The following SGCZ variants were observed in gnomAD, a reference collection of about 807,000 sequenced individuals.
SGCZ encodes the protein zeta-sarcoglycan.
SGCZ carries 40 observed loss-of-function variants against 41.3 expected under a neutral mutation model. The ratio of observed to expected loss-of-function variants is 0.97; its 90% CI spans 0.75 to 1.26. The LOEUF (loss-of-function observed/expected upper bound fraction) is 1.26, where lower values mean the gene tolerates loss of function less well. Ranked by LOEUF, SGCZ falls within the 50% of genes most tolerant of loss-of-function variation. The pLI is 0.00. For missense variants in SGCZ, 552 were observed against 369.8 expected, an observed-to-expected ratio of 1.49 and a Z score of -4.04; for synonymous variants, 206 against 137.5, an observed-to-expected ratio of 1.50 and a Z score of -3.49.
intron 1 of SGCZ, among the ~76,000 whole-genome samples, chr8:14,619,336 C>T (rs1050711613): frequency 3.3e-5 from 5 of 152,112 alleles, no homozygotes; most frequent in Non-Finnish European, 7.4e-5. Flanking sequence ...CAATATCATA[C>T]TGAATGGGCA....
intron 2 of SGCZ, among the ~76,000 whole-genome samples, chr8:14,494,336 T>G (rs953019048): frequency 6.6e-6 from 1 of 152,158 alleles, no homozygotes; most frequent in African/African-American, 2.4e-5. Context: ...ATAGGGTGGC[T>G]CAGCCCGGCT....
intron 1 of SGCZ, among the ~76,000 whole-genome samples, chr8:14,965,159 G>A (rs1359701295): frequency 6.6e-6 from 1 of 152,046 alleles, no homozygotes; most frequent in Non-Finnish European, 1.5e-5. Flanking sequence ...AAATCTCTGC[G>A]GCCATAGTTC....
intron 1 of SGCZ, among the ~76,000 whole-genome samples, chr8:15,077,586 C>T (rs1222235992): frequency 1.3e-5 from 2 of 152,144 alleles, no homozygotes; most frequent in Non-Finnish European, 2.9e-5. Flanking sequence ...TCCATTATAA[C>T]TTTAACCTCC....
intron 2 of SGCZ, among the ~76,000 whole-genome samples, chr8:14,394,224 C>T (rs1295413615): frequency 2.0e-5 from 3 of 147,402 alleles, no homozygotes; most frequent in Non-Finnish European, 3.0e-5. Flanking sequence ...GATCTCGGCT[C>T]ACTGCAACCT....
chr8:14,108,535 C>T (rs916882469), intron 5 of SGCZ, among the ~76,000 whole-genome samples: 3 of 151,988 alleles, frequency 2.0e-5, no homozygotes, highest in Non-Finnish European at 2.9e-5. Context: ...AAGCAGAAAC[C>T]CCTGATAATA....
chr8:14,268,769 T>C (rs764204112), intron 3 of SGCZ, among the ~76,000 whole-genome samples: 3 of 152,040 alleles, frequency 2.0e-5, no homozygotes, highest in Non-Finnish European at 4.4e-5. Context: ...TACTTTTGTA[T>C]TGCTCATTTA....
At chr8:14,191,317 C>T (rs1261084437) in intron 4 of SGCZ, among the ~76,000 whole-genome samples, 2 of 151,890 alleles carry the variant, frequency 1.3e-5, no homozygotes, top group Non-Finnish European at 2.9e-5. Context: ...ATTTCCTTTG[C>T]TGTGTTGAAA....
intron 1 of SGCZ, among the ~76,000 whole-genome samples, chr8:14,602,813 C>G (rs1349325767): frequency 6.6e-6 from 1 of 152,134 alleles, no homozygotes. Flanking sequence ...TATATGGCAT[C>G]TTCTAATCAC....
intron 5 of SGCZ, among the ~76,000 whole-genome samples, chr8:14,137,451 C>T (rs896211702): frequency 1.3e-5 from 2 of 152,112 alleles, no homozygotes; most frequent in African/African-American, 4.8e-5. Flanking sequence ...AGATGAATGG[C>T]TAACTAGAAT....
chr8:14,575,071 C>G (rs1230436813), intron 1 of SGCZ, among the ~76,000 whole-genome samples: 2 of 152,134 alleles, frequency 1.3e-5, no homozygotes, highest in African/African-American at 4.8e-5. Context: ...AATTACTTTT[C>G]TAACTTTGAA....
At chr8:14,267,184 T>C (rs893015405) in intron 3 of SGCZ, among the ~76,000 whole-genome samples, 52 of 152,052 alleles carry the variant, frequency 3.4e-4, no homozygotes, top group African/African-American at 1.0e-3. Flanking sequence ...ACATTATGGA[T>C]TAAGTAATAT....
intron 1 of SGCZ, among the ~76,000 whole-genome samples, chr8:14,890,144 G>A (rs1436230095): frequency 6.6e-6 from 1 of 152,020 alleles, no homozygotes; most frequent in East Asian, 1.9e-4. Flanking sequence ...TTCAACGTGG[G>A]AGGCGGAAGT....
At chr8:15,099,176 T>A (rs1806507023) in intron 1 of SGCZ, among the ~76,000 whole-genome samples, 1 of 152,196 alleles carries the variant, frequency 6.6e-6, no homozygotes, top group Non-Finnish European at 1.5e-5. Context: ...TAAAGCCAAA[T>A]AAGAGAGGAA....
intron 5 of SGCZ, among the ~76,000 whole-genome samples, chr8:14,121,964 T>C (rs536745043): frequency 1.0e-3 from 159 of 152,274 alleles, no homozygotes; most frequent in African/African-American, 3.8e-3. Flanking sequence ...CTTAGCATTA[T>C]GATGTCTGAG....
At position 15,138,321 on chromosome 8, in the gene SGCZ, T is replaced by C. The variant is rs556005642; in HGVS notation, c.39+99264A>G. Among the ~76,000 whole-genome samples the C allele has an allele frequency of 2.1e-4, 32 of 152,266 alleles. No homozygotes were observed. The South Asian group carries it at 5.4e-3, about 26-fold the overall frequency. ...ACTTGTCTTGTCTCAGATAAGACTT[T>C]GGAGTTGGGCTTTTGAGTTAATGCA... On this transcript the variant is annotated intron_variant, in intron 1 of 7. Coordinates refer to ENST00000382080, the MANE Select transcript of SGCZ (RefSeq NM_139167.4).
rs35602866 is a variant in SGCZ at position 14,776,518 on chromosome 8, C to CTT, written c.40-221594_40-221593dup. Among the ~76,000 whole-genome samples, 898 of 116,586 alleles carry CTT rather than the reference C, an allele frequency of 7.7e-3. 20 individuals are homozygous for CTT. The highest frequency in any genetic ancestry group is 0.011 in the Non-Finnish European group (612 of 57,860). 76.5% of individuals were successfully genotyped at this position (116,586 alleles called of 152,430 possible). A position where few individuals can be genotyped will look rare whatever the true frequency, so the allele number is the denominator to read the frequency against. On this transcript the variant is annotated intron_variant, in intron 1 of 7. Transcript: ENST00000382080. ...GACTAATACACTTTTTTTTCTTTTT[C>CTT]TTTTTTTTTTTTTTTTTTGAGATGG...
chr8:14,737,604 T>C (rs757946236), intron 1 of SGCZ, among the ~76,000 whole-genome samples: 26 of 152,122 alleles, frequency 1.7e-4, no homozygotes, highest in Non-Finnish European at 3.5e-4. Context: ...AAGTCTAAGA[T>C]CAAGGTATTG....
At chr8:14,501,735 C>G (rs1202377863) in intron 2 of SGCZ, among the ~76,000 whole-genome samples, 1 of 151,226 alleles carries the variant, frequency 6.6e-6, no homozygotes, top group Admixed American at 6.6e-5. Context: ...CCTGGCTTGG[C>G]TAATTTGGTT....
intron 6 of SGCZ, among the ~76,000 whole-genome samples, chr8:14,104,201 T>G (rs1156511131): frequency 6.6e-6 from 1 of 152,204 alleles, no homozygotes; most frequent in African/African-American, 2.4e-5. Flanking sequence ...GTGAAATTAG[T>G]GAATTATAAT....
Sources: gnomAD v4.1 joint callset for allele counts (sites outside exome capture counted in the v4.1 genomes callset) on GRCh38, gnomAD v4.1.1 for gene constraint, MANE v1.5 for transcripts, NCBI Gene and HGNC (gene_info 2026-07-23, HGNC 2026-07-21) for gene names.